PIP4P2: variants seen among roughly 807,000 people sequenced by gnomAD.
The protein encoded by PIP4P2 is phosphatidylinositol-4,5-bisphosphate 4-phosphatase 2.
In PIP4P2, 19 loss-of-function variants were observed where a neutral mutation model predicts 33.3. The ratio of observed to expected loss-of-function variants is 0.57; its 90% CI spans 0.40 to 0.84. The LOEUF (loss-of-function observed/expected upper bound fraction) is 0.84. Ranked by LOEUF, PIP4P2 falls within the 40% of genes least tolerant of loss-of-function variation. The pLI is 0.00. For synonymous variants in PIP4P2, 110 were observed against 111.9 expected (o/e 0.98, Z 0.11); for missense variants, 270 against 324.7 (o/e 0.83, Z 1.29).
chr8:91,003,425 T>TA (rs1311388127), intron 5 of PIP4P2, among the ~76,000 whole-genome samples: 2 of 152,152 alleles, frequency 1.3e-5, no homozygotes, highest in Admixed American at 6.6e-5. Context: ...TGGAGAATGA[T>TA]AAAAAATACA....
At chr8:90,995,986 A>G (rs1811624048) in intron 6 of PIP4P2, among the ~76,000 whole-genome samples, 166 bp from the exon 7 acceptor site, 1 of 152,218 alleles carries the variant, frequency 6.6e-6, no homozygotes, top group African/African-American at 2.4e-5. Flanking sequence ...CTGATAGACC[A>G]TACTGCTACT....
At chr8:91,013,275 G>A (rs1811864287) in intron 4 of PIP4P2, among the ~76,000 whole-genome samples, 1 of 152,178 alleles carries the variant, frequency 6.6e-6, no homozygotes, top group South Asian at 2.1e-4. Context: ...TTGTAATGTG[G>A]CTACAAGGAT....
intron 6 of PIP4P2, 91 bp from the exon 7 acceptor site, chr8:90,995,911 T>A: frequency 4.4e-6 from 6 of 1,375,194 alleles, no homozygotes; most frequent in Non-Finnish European, 5.8e-6. Flanking sequence ...GTGATTGTTA[T>A]GAAATATACC....
chr8:91,000,087 C>T (rs1243977460), intron 5 of PIP4P2, among the ~76,000 whole-genome samples: 1 of 151,896 alleles, frequency 6.6e-6, no homozygotes, highest in Non-Finnish European at 1.5e-5. Context: ...AAAATTTTAA[C>T]TTTCATATGT....
chr8:91,018,140 G>A (rs543408168), intron 4 of PIP4P2, among the ~76,000 whole-genome samples: 18 of 152,272 alleles, frequency 1.2e-4, no homozygotes, highest in African/African-American at 3.9e-4. Context: ...GCCTGGGCAC[G>A]ATTTCTCATT....
chr8:91,009,700 T>C (rs1383935479), intron 4 of PIP4P2, among the ~76,000 whole-genome samples: 1 of 151,974 alleles, frequency 6.6e-6, no homozygotes, highest in Non-Finnish European at 1.5e-5. Flanking sequence ...CAATAACTTA[T>C]GGATATTCAA....
intron 3 of PIP4P2, among the ~76,000 whole-genome samples, chr8:91,018,848 C>T (rs1486971619): frequency 1.3e-5 from 2 of 151,976 alleles, no homozygotes; most frequent in Admixed American, 1.3e-4. Context: ...TGGTAGAAGA[C>T]TAAGTTAAAA....
At position 90,994,510 on chromosome 8, in the gene PIP4P2, CTG is replaced by C. The variant is rs1321057837; in HGVS notation, c.*1165_*1166del. On this transcript the variant is annotated 3_prime_UTR_variant, in exon 7 of 7. Transcript: ENST00000285419. The stretch of plus-strand genomic sequence containing the variant: ...TGTCTAATTCTACTACATTTAAAGA[CTG>C]TAGAACATTTGTGATTAAGCAATTT... 6.6e-6 allele frequency: 1 copy of C among 152,532 alleles called. No homozygotes were observed. Among genetic ancestry groups the C allele is most frequent in the Admixed American group, 6.5e-5 (1 of 15,282 alleles). 9.4% of individuals were successfully genotyped at this position (152,532 alleles called of 1,614,324 possible).
At chr8:91,013,211 A>G (rs1462152294) in intron 4 of PIP4P2, among the ~76,000 whole-genome samples, 1 of 152,198 alleles carries the variant, frequency 6.6e-6, no homozygotes, top group East Asian at 1.9e-4. Context: ...CACCTAGCTC[A>G]GTGCCTGGTA....
intron 1 of PIP4P2, 69 bp from the exon 2 acceptor site, chr8:91,021,473 A>C (rs1429459596): frequency 2.0e-6 from 3 of 1,489,454 alleles, no homozygotes; most frequent in Non-Finnish European, 1.8e-6. Context: ...GTATAGAGGC[A>C]ATATAAGTAA....
intron 1 of PIP4P2, among the ~76,000 whole-genome samples, chr8:91,036,608 G>A (rs1032092433): frequency 4.2e-4 from 64 of 152,174 alleles, no homozygotes; most frequent in African/African-American, 1.3e-3. Flanking sequence ...TAAATTGCCC[G>A]AATTATTACA....
At chr8:91,010,525 A>C (rs1198878963) in intron 4 of PIP4P2, among the ~76,000 whole-genome samples, 1 of 151,902 alleles carries the variant, frequency 6.6e-6, no homozygotes, top group Non-Finnish European at 1.5e-5. Context: ...AACAGTAGGG[A>C]CTTTATTCTG....
At chr8:91,017,993 T>C (rs1251666251) in intron 4 of PIP4P2, among the ~76,000 whole-genome samples, 1 of 152,202 alleles carries the variant, frequency 6.6e-6, no homozygotes, top group African/African-American at 2.4e-5. Context: ...TGATAAATTA[T>C]TATTCAAATT....
rs760742232 is a variant in PIP4P2, at chr8:90,994,294, G to A, written c.*1383C>T. 3 of 152,028 alleles carry A rather than the reference G, an allele frequency of 2.0e-5. No homozygotes were observed. The highest frequency in any genetic ancestry group is 4.4e-5 in the Non-Finnish European group (3 of 67,942). 9.4% of individuals were successfully genotyped at this position (152,028 alleles called of 1,614,324 possible). ...AATTTTTGAACAATAATCTTTATTAGTGTATTTTTAAAGGTACATATAATC... is the reference window on the plus strand; with the variant it reads ...AATTTTTGAACAATAATCTTTATTAATGTATTTTTAAAGGTACATATAATC... On this transcript the variant is annotated 3_prime_UTR_variant, in exon 7 of 7. Coordinates refer to ENST00000285419, the MANE Select transcript of PIP4P2 (RefSeq NM_018710.3).
chr8:91,015,792 G>A (rs1207314970), intron 4 of PIP4P2, among the ~76,000 whole-genome samples: 2 of 152,146 alleles, frequency 1.3e-5, no homozygotes, highest in Admixed American at 6.6e-5. Flanking sequence ...TATTTGTCTT[G>A]ATTGGCTAAC....
intron 5 of PIP4P2, among the ~76,000 whole-genome samples, chr8:91,003,564 T>C (rs1003669462): frequency 1.2e-4 from 19 of 152,026 alleles, no homozygotes; most frequent in African/African-American, 1.2e-4. Flanking sequence ...ACATGGGAGA[T>C]TGGTTTGCAG....
chr8:90,996,729 A>C lies in PIP4P2; in HGVS notation c.555T>G (p.Ser185Arg), dbSNP rs563948361. The C allele has an allele frequency of 6.2e-7, 1 of 1,607,252 alleles. No homozygotes were observed. Among genetic ancestry groups the C allele is most frequent in the South Asian group, 1.1e-5 (1 of 89,864 alleles). Residue 185 changes from serine (S) to arginine (R), a missense_variant, in exon 6 of 7, where the codon AGT (serine) becomes AGG (arginine). Coordinates refer to ENST00000285419, the MANE Select transcript of PIP4P2 (RefSeq NM_018710.3). ...CACAGCAGCGTCTTCGTGGAAGTGC[A>C]CTACCCACTGAGGAGCTGCAAATTC... is the stretch of plus-strand genomic sequence containing the variant. The part of the protein sequence containing the change: ...PHCKKISSVG[S>R]ALPRRRCCAY...
At chr8:91,031,150 C>T (rs34213675) in intron 1 of PIP4P2, among the ~76,000 whole-genome samples, 69,513 of 152,068 alleles carry the variant, frequency 0.46, 18,754 homozygotes, top group South Asian at 0.65. Context: ...AATCCAAATA[C>T]GACTTTTGCT....
At chr8:91,011,808 G>C (rs1811841124) in intron 4 of PIP4P2, among the ~76,000 whole-genome samples, 1 of 151,914 alleles carries the variant, frequency 6.6e-6, no homozygotes, top group African/African-American at 2.4e-5. Context: ...TACCATTATA[G>C]CACTGGTATA....
Sources: allele counts gnomAD v4.1 joint callset (sites outside exome capture counted in the v4.1 genomes callset), GRCh38; gene constraint gnomAD v4.1.1; transcripts MANE v1.5; gene names NCBI Gene and HGNC (gene_info 2026-07-23, HGNC 2026-07-21).